TCF7L1: variants seen among roughly 807,000 people sequenced by gnomAD.
TCF7L1 encodes the protein transcription factor 7-like 1.
A neutral mutation model predicts 63.7 loss-of-function variants in TCF7L1; 18 were observed. The observed-to-expected ratio is 0.28, with a 90% CI of 0.20 to 0.42. TCF7L1 has a LOEUF of 0.42. Ranked by LOEUF, TCF7L1 falls within the 10% of genes least tolerant of loss-of-function variation. The probability of loss-of-function intolerance (pLI) is 1.00; values close to 1 mark genes in which losing one functional copy is unlikely to be tolerated. For synonymous variants in TCF7L1, 355 were observed against 340.9 expected, an observed-to-expected ratio of 1.04 and a Z score of -0.46; for missense variants, 654 against 779.3, an observed-to-expected ratio of 0.84 and a Z score of 1.91.
chr2:85,220,263 AAAAAG>A (rs1333473187), intron 3 of TCF7L1, among the ~76,000 whole-genome samples: 1 of 152,122 alleles, frequency 6.6e-6, no homozygotes, highest in Non-Finnish European at 1.5e-5. Context: ...CTTTAAGAAA[AAAAAG>A]AGGTGGGGAG....
At chr2:85,305,910 G>A (rs1008145328) in intron 8 of TCF7L1, among the ~76,000 whole-genome samples, 2 of 152,200 alleles carry the variant, frequency 1.3e-5, no homozygotes, top group South Asian at 2.1e-4. Context: ...TGTCACCGCC[G>A]CCAGCACCTG....
intron 3 of TCF7L1, among the ~76,000 whole-genome samples, chr2:85,210,941 G>A (rs1409676869): frequency 6.6e-6 from 1 of 152,124 alleles, no homozygotes; most frequent in Non-Finnish European, 1.5e-5. Flanking sequence ...CCAGGAACCT[G>A]CGCGAGGCAC....
intron 3 of TCF7L1, among the ~76,000 whole-genome samples, chr2:85,169,320 C>T (rs966332575): frequency 6.6e-6 from 1 of 151,776 alleles, no homozygotes; most frequent in Non-Finnish European, 1.5e-5. Context: ...GCTTTGATGA[C>T]CTGAACTCCA....
chr2:85,282,794 T>TGTG (rs1681448243), intron 3 of TCF7L1, among the ~76,000 whole-genome samples: 6 of 119,224 alleles, frequency 5.0e-5, no homozygotes, highest in African/African-American at 1.3e-4. Flanking sequence ...GAGAGAGAGA[T>TGTG]TGTGTGTGTG....
intron 3 of TCF7L1, among the ~76,000 whole-genome samples, chr2:85,281,704 TC>T (rs1431046416): frequency 1.3e-5 from 2 of 152,132 alleles, no homozygotes; most frequent in African/African-American, 4.8e-5. Flanking sequence ...AGGGCTTCGT[TC>T]CCACTTCCCA....
At chr2:85,283,373 C>A in intron 3 of TCF7L1, 122 bp from the exon 4 acceptor site, 1 of 917,342 alleles carries the variant, frequency 1.1e-6, no homozygotes, top group Non-Finnish European at 1.8e-6. Context: ...GGGCATGTGG[C>A]ATGAAAATGC....
chr2:85,275,867 C>T (rs10205412), intron 3 of TCF7L1, among the ~76,000 whole-genome samples: 1 of 136,602 alleles, frequency 7.3e-6, no homozygotes, highest in African/African-American at 2.7e-5. Context: ...TTGCAGTGAT[C>T]TATGATTGCG....
At chr2:85,181,995 G>A (rs1285538690) in intron 3 of TCF7L1, among the ~76,000 whole-genome samples, 3 of 152,208 alleles carry the variant, frequency 2.0e-5, no homozygotes, top group Non-Finnish European at 2.9e-5. Flanking sequence ...GGGCCCTGTG[G>A]TGTCTAAGGC....
At chr2:85,212,844 C>T (rs1679605695) in intron 3 of TCF7L1, among the ~76,000 whole-genome samples, 1 of 152,080 alleles carries the variant, frequency 6.6e-6, no homozygotes, top group Non-Finnish European at 1.5e-5. Context: ...AGGCTGTGGG[C>T]AAGGTCACTG....
intron 3 of TCF7L1, among the ~76,000 whole-genome samples, chr2:85,219,127 T>G (rs1679781140): frequency 6.6e-6 from 1 of 152,190 alleles, no homozygotes; most frequent in Non-Finnish European, 1.5e-5. Flanking sequence ...AACTCCAGCT[T>G]GGGCAACAGA....
intron 3 of TCF7L1, among the ~76,000 whole-genome samples, chr2:85,266,927 G>A (rs1406446639): frequency 2.6e-5 from 4 of 152,218 alleles, no homozygotes; most frequent in East Asian, 3.8e-4. Flanking sequence ...AGTGTCCTCC[G>A]TGACCTTGGT....
At chr2:85,163,748 T>C (rs1678344989) in intron 3 of TCF7L1, among the ~76,000 whole-genome samples, 1 of 152,144 alleles carries the variant, frequency 6.6e-6, no homozygotes, top group Non-Finnish European at 1.5e-5. Context: ...GGGAGGGATC[T>C]GCTCCAGGCC....
At chr2:85,304,656 C>A (rs528905464) in intron 7 of TCF7L1, among the ~76,000 whole-genome samples, 34 of 152,326 alleles carry the variant, frequency 2.2e-4, no homozygotes, top group Non-Finnish European at 4.1e-4. Flanking sequence ...TCCTGATAAA[C>A]CCGTCGTACA....
intron 3 of TCF7L1, among the ~76,000 whole-genome samples, chr2:85,183,696 A>G (rs1229815713): frequency 2.0e-5 from 3 of 152,216 alleles, no homozygotes; most frequent in Non-Finnish European, 2.9e-5. Flanking sequence ...GTAAGAGAAC[A>G]TGACTCCAGG....
chr2:85,258,924 TCTAGAATAGAGC>T (rs1680787936), intron 3 of TCF7L1, among the ~76,000 whole-genome samples: 1 of 152,222 alleles, frequency 6.6e-6, no homozygotes, highest in Non-Finnish European at 1.5e-5. Flanking sequence ...ATACGTTGGT[TCTAGAATAGAGC>T]CTTGCCCTGT....
chr2:85,263,908 C>A (rs1680913864), intron 3 of TCF7L1, among the ~76,000 whole-genome samples: 1 of 152,160 alleles, frequency 6.6e-6, no homozygotes, highest in Non-Finnish European at 1.5e-5. Context: ...AGCTGAGGGG[C>A]CTCTTAGGAA....
chr2:85,144,715 C>G (rs199583204), intron 3 of TCF7L1, among the ~76,000 whole-genome samples: 10,562 of 124,826 alleles, frequency 0.085, 442 homozygotes, highest in East Asian at 0.22. Context: ...TTCTCTCTCT[C>G]TCTCTGTGTG....
intron 3 of TCF7L1, among the ~76,000 whole-genome samples, chr2:85,156,848 A>G (rs941338885): frequency 6.6e-6 from 1 of 152,184 alleles, no homozygotes; most frequent in Admixed American, 6.5e-5. Context: ...TGCCCAGGAG[A>G]CATTTGGCAA....
chr2:85,194,299 C>T (rs572886594), intron 3 of TCF7L1, among the ~76,000 whole-genome samples: 1 of 152,100 alleles, frequency 6.6e-6, no homozygotes, highest in South Asian at 2.1e-4. Flanking sequence ...GAGGCCAAGG[C>T]GGGTGGATTA....
Sources: allele counts gnomAD v4.1 joint callset (sites outside exome capture counted in the v4.1 genomes callset), GRCh38; gene constraint gnomAD v4.1.1; transcripts MANE v1.5; gene names NCBI Gene and HGNC (gene_info 2026-07-23, HGNC 2026-07-21).